BLTP1: variants seen among roughly 807,000 people sequenced by gnomAD.
The protein encoded by BLTP1 is bridge-like lipid transfer protein family member 1, also known as fragile site-associated protein.
the BLTP1 span, chr4:122,257,141 T>C: frequency 1.8e-6 from 2 of 1,115,152 alleles, no homozygotes; most frequent in Non-Finnish European, 2.6e-6. Flanking sequence ...TAAGTTTTAA[T>C]TTCTTTATCT....
At chr4:122,172,060 C>T in the BLTP1 span, 1 of 600,470 alleles carries the variant, frequency 1.7e-6, no homozygotes, top group Admixed American at 6.4e-5. Flanking sequence ...ATCAAAATAA[C>T]TTTACAAAAT....
the BLTP1 span, chr4:122,192,416 G>A: frequency 1.6e-6 from 2 of 1,228,182 alleles, no homozygotes; most frequent in South Asian, 3.0e-5. Context: ...AAGTTTTTTA[G>A]ATGTATTTAG....
At chr4:122,260,432 G>C in the BLTP1 span, among the ~76,000 whole-genome samples, 1 of 151,808 alleles carries the variant, frequency 6.6e-6, no homozygotes, top group South Asian at 2.1e-4. Flanking sequence ...TAGAAAAAAT[G>C]GTTAAATGAT....
chr4:122,307,453 C>G, the BLTP1 span: 6 of 984,906 alleles, frequency 6.1e-6, no homozygotes, highest in African/African-American at 1.7e-5. Context: ...GCCCCTCCAT[C>G]TATACACTGC....
the BLTP1 span, among the ~76,000 whole-genome samples, chr4:122,279,482 T>C: frequency 1.7e-3 from 255 of 152,288 alleles, 2 homozygotes; most frequent in African/African-American, 5.6e-3. Context: ...TTGTTCTTGC[T>C]TCAATTTTAG....
At chr4:122,301,477 A>G in the BLTP1 span, 1 of 717,750 alleles carries the variant, frequency 1.4e-6, no homozygotes, top group Non-Finnish European at 2.2e-6. Context: ...TTTGTATCTT[A>G]CATAAATTAC....
chr4:122,179,318 A>G, the BLTP1 span, among the ~76,000 whole-genome samples: 1 of 152,132 alleles, frequency 6.6e-6, no homozygotes, highest in East Asian at 1.9e-4. Flanking sequence ...GCTTGGTCTC[A>G]TATTTTAAAA....
chr4:122,339,550 A>G, the BLTP1 span: 6 of 604,408 alleles, frequency 9.9e-6, no homozygotes, highest in Admixed American at 2.1e-4. Context: ...AGAAATCTAT[A>G]GCAGACCAAT....
the BLTP1 span, among the ~76,000 whole-genome samples, chr4:122,257,658 C>T: frequency 6.6e-6 from 1 of 152,130 alleles, no homozygotes; most frequent in Non-Finnish European, 1.5e-5. Flanking sequence ...TGTTTTTCCT[C>T]ACAGTTACAA....
the BLTP1 span, chr4:122,218,999 T>C: frequency 4.8e-6 from 1 of 210,088 alleles, no homozygotes; most frequent in Non-Finnish European, 8.2e-6. Context: ...GCCTGAGAAC[T>C]CTGAGGAGCA....
chr4:122,298,394 A>G, the BLTP1 span, among the ~76,000 whole-genome samples: 1 of 152,240 alleles, frequency 6.6e-6, no homozygotes, highest in Non-Finnish European at 1.5e-5. Context: ...ACATAGAGTC[A>G]TAAACAATTT....
the BLTP1 span, chr4:122,263,095 A>C: frequency 7.3e-7 from 1 of 1,374,056 alleles, no homozygotes; most frequent in Admixed American, 2.8e-5. Context: ...AATCTCTCAT[A>C]CCTTATCTTT....
chr4:122,334,164 G>T, the BLTP1 span: 858 of 210,052 alleles, frequency 4.1e-3, 17 homozygotes, highest in East Asian at 0.028. Context: ...TATCTGAAAT[G>T]ACCTTTTTAT....
the BLTP1 span, among the ~76,000 whole-genome samples, chr4:122,239,049 G>T: frequency 6.6e-6 from 1 of 152,044 alleles, no homozygotes; most frequent in South Asian, 2.1e-4. Context: ...TATTAAAAAT[G>T]GCCTTATTCT....
chr4:122,230,931 T>A, the BLTP1 span, among the ~76,000 whole-genome samples: 1 of 152,144 alleles, frequency 6.6e-6, no homozygotes. Context: ...CAGTTTAAAA[T>A]TCTGCATGTT....
the BLTP1 span, chr4:122,349,081 T>C: frequency 2.5e-6 from 3 of 1,216,356 alleles, no homozygotes; most frequent in African/African-American, 3.1e-5. This position sits in a 1 kb window ranked among gnomAD's most constrained non-coding sequence, Gnocchi z 4.5. Context: ...CTGATTTAAC[T>C]CCTTTTTAAT....
At chr4:122,317,377 CA>C in the BLTP1 span, among the ~76,000 whole-genome samples, 1 of 151,126 alleles carries the variant, frequency 6.6e-6, no homozygotes, top group African/African-American at 2.4e-5. Flanking sequence ...GTGTTTTTCA[CA>C]ACTTATTTCT....
chr4:122,168,167 TA>T, the BLTP1 span, among the ~76,000 whole-genome samples: 1 of 152,250 alleles, frequency 6.6e-6, no homozygotes, highest in African/African-American at 2.4e-5. Context: ...GGCTTTGCAT[TA>T]ATCTAATATT....
chr4:122,190,193 C>A, the BLTP1 span: 1 of 1,322,688 alleles, frequency 7.6e-7, no homozygotes, highest in Non-Finnish European at 1.0e-6. Context: ...ACCTTCCAGG[C>A]TCAAACAATC....
Sources: gnomAD v4.1 joint callset for allele counts (sites outside exome capture counted in the v4.1 genomes callset) on GRCh38, gnomAD v4.1.1 for gene constraint, Gnocchi (gnomAD v3.1) non-coding constraint, MANE v1.5 for transcripts, NCBI Gene and HGNC (gene_info 2026-07-23, HGNC 2026-07-21) for gene names.